Variants in POC1B observed in about 807,000 individuals in gnomAD.
The protein encoded by POC1B is POC1 centriolar protein B, also known as POC1 centriolar protein homolog B.
POC1B carries 44 observed loss-of-function variants against 60.6 expected under a neutral mutation model. The observed-to-expected ratio is 0.73, with a 90% CI of 0.57 to 0.93. The LOEUF is 0.93. POC1B is among the 40% of genes least tolerant of loss of function. The probability of loss-of-function intolerance (pLI) is 0.00; values close to 1 mark genes in which losing one functional copy is unlikely to be tolerated. For synonymous variants in POC1B, 180 were observed against 198.9 expected (o/e 0.90, Z 0.80); for missense variants, 555 against 572.3 (o/e 0.97, Z 0.31).
At chr12:89,428,774 T>C (rs533572044) in intron 10 of POC1B, 1 of 152,336 alleles carries the variant, frequency 6.6e-6, no homozygotes, top group Non-Finnish European at 1.5e-5. Context: ...GCCAGGATGG[T>C]CTCGATCTCC....
chr12:89,492,063 C>A lies in POC1B; in HGVS notation c.325G>T (p.Asp109Tyr), dbSNP rs753857035. The change falls in exon 4 of 12, where the codon GAC (aspartate) becomes TAC (tyrosine). Residue 109 changes from aspartate to tyrosine, a missense_variant. Transcript: ENST00000313546. ...AGAAACTGGCCATCAGCTGAAAAGT[C>A]TACACTTCGAACTGGAGCTGTATGA... ...KAHTAPVRSVDFSADGQFLAT... is the reference protein window; with the variant it reads ...KAHTAPVRSVYFSADGQFLAT... The A allele has an allele frequency of 6.2e-7, 1 of 1,606,134 alleles. No individual in the cohort carries two copies. Among genetic ancestry groups the A allele is most frequent in the Non-Finnish European group, 8.5e-7 (1 of 1,177,716 alleles).
chr12:89,416,630 T>C (rs893545336), downstream of POC1B, among the ~76,000 whole-genome samples: 7 of 151,784 alleles, frequency 4.6e-5, no homozygotes, highest in African/African-American at 1.2e-4. Context: ...CAATATGGAG[T>C]AGTGTATGTC....
At chr12:89,459,907 G>C (rs915736205) in intron 9 of POC1B, 189 bp from the exon 10 acceptor site, 1 of 496,984 alleles carries the variant, frequency 2.0e-6, no homozygotes, top group Non-Finnish European at 3.6e-6. Context: ...TATAAGAAAA[G>C]ATCATTTTGG....
At chr12:89,491,859 C>A in intron 4 of POC1B, 77 bp downstream of exon 4, 1 of 1,268,988 alleles carries the variant, frequency 7.9e-7, no homozygotes. Flanking sequence ...TCCTCAAACC[C>A]TTTTTCTGGA....
intron 9 of POC1B, chr12:89,459,954 CT>C (rs1467818561): frequency 4.2e-6 from 2 of 476,674 alleles, no homozygotes; most frequent in Non-Finnish European, 7.6e-6. Context: ...AAGGTTTTCA[CT>C]TTAGAAAATC....
intron 10 of POC1B, among the ~76,000 whole-genome samples, chr12:89,442,332 A>G (rs1052410022): frequency 3.3e-5 from 5 of 152,238 alleles, no homozygotes; most frequent in African/African-American, 1.2e-4. Flanking sequence ...AATGAAGGAA[A>G]AAATGTTAAG....
At chr12:89,471,501 C>G (rs1882891728) in intron 6 of POC1B, 113 bp downstream of exon 6, 2 of 775,134 alleles carry the variant, frequency 2.6e-6, no homozygotes, top group African/African-American at 1.8e-5. Flanking sequence ...CTAGCCTGTT[C>G]CAAGGCAGCC....
At chr12:89,433,328 G>T (rs975660699) in intron 10 of POC1B, among the ~76,000 whole-genome samples, 14 of 152,154 alleles carry the variant, frequency 9.2e-5, no homozygotes, top group Admixed American at 8.5e-4. Context: ...TGATGACACA[G>T]GAGAGTGAGG....
At chr12:89,406,966 C>T in the POC1B span, among the ~76,000 whole-genome samples, 13 of 108 alleles carry the variant, frequency 0.12, no homozygotes, top group Non-Finnish European at 0.19. Context: ...GCCAACATGC[C>T]GAAACCCCCG....
chr12:89,438,607 T>C (rs1881379881), intron 10 of POC1B, among the ~76,000 whole-genome samples: 1 of 152,272 alleles, frequency 6.6e-6, no homozygotes, highest in Non-Finnish European at 1.5e-5. Context: ...TTGGCTGCCA[T>C]GACACCATAC....
At chr12:89,433,052 C>T (rs945121374) in intron 10 of POC1B, among the ~76,000 whole-genome samples, 7 of 152,032 alleles carry the variant, frequency 4.6e-5, no homozygotes, top group African/African-American at 9.7e-5. Context: ...ACAGGTGGAC[C>T]GAGATGAGTC....
At chr12:89,457,832 T>G (rs1416535423) in intron 10 of POC1B, among the ~76,000 whole-genome samples, 4 of 152,224 alleles carry the variant, frequency 2.6e-5, no homozygotes, top group Non-Finnish European at 4.4e-5. Flanking sequence ...GTCATGTGTT[T>G]GTTATACAGA....
intron 4 of POC1B, among the ~76,000 whole-genome samples, chr12:89,483,913 A>G (rs138536648): frequency 2.0e-5 from 3 of 152,360 alleles, no homozygotes; most frequent in African/African-American, 7.2e-5. Context: ...GGGTAAATAT[A>G]AAAGACTTTT....
chr12:89,477,618 T>C (rs1883172706), intron 4 of POC1B, among the ~76,000 whole-genome samples: 1 of 152,160 alleles, frequency 6.6e-6, no homozygotes, highest in African/African-American at 2.4e-5. Flanking sequence ...TTGATTCTTC[T>C]TTCTCTTCTA....
rs547443646 is a variant in POC1B at position 89,489,523 on chromosome 12, T to C, written c.452+2413A>G. On this transcript the variant is annotated intron_variant, in intron 4 of 11. Transcript: ENST00000313546. The stretch of plus-strand genomic sequence containing the variant: ...AAAGTCTGACCTTCTGCCTATCTTC[T>C]TATATTCTTCTTAGGCTCATGGCCA... 3.9e-5 allele frequency among the ~76,000 whole-genome samples: 6 copies of C among 152,324 alleles called. No individual in the cohort carries two copies. In the South Asian group the frequency reaches 8.3e-4, roughly 21 times the overall value.
chr12:89,483,201 A>G (rs1277993928), intron 4 of POC1B, among the ~76,000 whole-genome samples: 1 of 152,198 alleles, frequency 6.6e-6, no homozygotes, highest in African/African-American at 2.4e-5. Flanking sequence ...CATGTCCGAC[A>G]TGCTATTCTT....
chr12:89,414,647 A>C, the POC1B span, among the ~76,000 whole-genome samples: 1 of 152,266 alleles, frequency 6.6e-6, no homozygotes, highest in South Asian at 2.1e-4. Flanking sequence ...AAAATGAAGC[A>C]TATCAATTAT....
In POC1B at chr12:89,525,215, A is replaced by G. The variant is rs2135785180; in HGVS notation, c.16-11T>C. On this transcript the variant is annotated splice_polypyrimidine_tract_variant and intron_variant, in intron 1 of 11. Coordinates refer to ENST00000313546, the MANE Select transcript of POC1B (RefSeq NM_172240.3). ...CAGAACGGGGTCCTCCTGGAAAGGA[A>G]AGTTGTCAAGTTTTGAAAGCCGCCG... 6.2e-7 allele frequency: 1 copy of G among 1,601,582 alleles called. No homozygotes were observed. Among genetic ancestry groups the G allele is most frequent in the Non-Finnish European group, 8.5e-7 (1 of 1,173,926 alleles).
At chr12:89,418,365 C>CG (rs1880401182), downstream of POC1B, among the ~76,000 whole-genome samples, 1 of 152,086 alleles carries the variant, frequency 6.6e-6, no homozygotes, top group Non-Finnish European at 1.5e-5. Flanking sequence ...GGAGAAGTTG[C>CG]GTCTTGGCCT....
Sources: gnomAD v4.1 joint callset for allele counts (sites outside exome capture counted in the v4.1 genomes callset) on GRCh38, gnomAD v4.1.1 for gene constraint, MANE v1.5 for transcripts, NCBI Gene and HGNC (gene_info 2026-07-23, HGNC 2026-07-21) for gene names.